The following IGF2R variants were observed in gnomAD, a reference collection of about 807,000 sequenced individuals.
IGF2R encodes the protein cation-independent mannose-6-phosphate receptor.
IGF2R carries 91 observed loss-of-function variants against 270.6 expected under a neutral mutation model. The observed-to-expected ratio is 0.34, with a 90% CI of 0.28 to 0.40. The LOEUF is 0.40. IGF2R is among the 10% of genes least tolerant of loss of function. IGF2R has a pLI of 1.00. For synonymous variants in IGF2R, 1,316 were observed against 1,258.9 expected, an observed-to-expected ratio of 1.05 and a Z score of -0.96; for missense variants, 2,805 against 3,188.3, an observed-to-expected ratio of 0.88 and a Z score of 2.90.
At position 160,080,202 on chromosome 6, in the gene IGF2R, G is replaced by A. The variant is rs897464178; in HGVS notation, c.5760G>A (p.Glu1920=). ...AGAGCTACGAGGAGTGCATCATAGA[G>A]AGCAGGGCGAAGCTGTGGTGTAGCA... ...NGKSYEECII[E]SRAKLWCSTT... The change falls in exon 39 of 48, where the codon GAG becomes GAA. Residue 1920 remains glutamate, a synonymous_variant. Coordinates refer to ENST00000356956, the MANE Select transcript of IGF2R (RefSeq NM_000876.4). The A allele has an allele frequency of 8.7e-6, 14 of 1,614,206 alleles. No homozygotes were observed. Among genetic ancestry groups the A allele is most frequent in the Non-Finnish European group, 1.2e-5 (14 of 1,180,024 alleles).
At chr6:160,002,532 CTTG>C (rs541375705) in intron 2 of IGF2R, among the ~76,000 whole-genome samples, 56 of 152,268 alleles carry the variant, frequency 3.7e-4, no homozygotes, top group Non-Finnish European at 7.2e-4. Flanking sequence ...AGGGACTGGT[CTTG>C]TTGTTCTGGG....
At chr6:159,972,371 G>A (rs772856899) in intron 1 of IGF2R, among the ~76,000 whole-genome samples, 1 of 152,216 alleles carries the variant, frequency 6.6e-6, no homozygotes, top group African/African-American at 2.4e-5. Context: ...TACGTGGAAT[G>A]TGTTTTTCCA....
Position 160,088,167 on chromosome 6 carries a change from A to T in IGF2R, c.6320+20A>T. ...CAAGAGGTCAGGAGACTGGGGGCTC[A>T]GAGCGGGACTGTGCAGTGAGCATAC... On this transcript the variant is annotated intron_variant, in intron 42 of 47. Coordinates refer to ENST00000356956, the MANE Select transcript of IGF2R (RefSeq NM_000876.4). The T allele has an allele frequency of 7.0e-7, 1 of 1,427,136 alleles. No individual in the cohort carries two copies. The highest frequency in any genetic ancestry group is 9.9e-7 in the Non-Finnish European group (1 of 1,009,750). The allele number at this position is 1,427,136 out of a possible 1,614,324, so 88.4% of individuals were successfully genotyped here.
chr6:159,971,793 G>T (rs1226419485), intron 1 of IGF2R, among the ~76,000 whole-genome samples: 1 of 152,170 alleles, frequency 6.6e-6, no homozygotes, highest in African/African-American at 2.4e-5. Context: ...GATTACAGGT[G>T]TGTGCCACCC....
chr6:159,986,860 G>A (rs1783896182), intron 1 of IGF2R, among the ~76,000 whole-genome samples: 1 of 151,626 alleles, frequency 6.6e-6, no homozygotes, highest in African/African-American at 2.4e-5. Flanking sequence ...TTGCTTGGCT[G>A]TTAAATGAAC....
At position 160,045,823 on chromosome 6, in the gene IGF2R, C is replaced by T. The variant is rs1392718372; in HGVS notation, c.1844C>T (p.Ala615Val). 1.3e-5 allele frequency: 21 copies of T among 1,612,240 alleles called. No individual in the cohort carries two copies. The highest frequency in any genetic ancestry group is 2.2e-5 in the East Asian group (1 of 44,844). The change falls in exon 14 of 48, where the codon GCG becomes GTG. Residue 615 changes from alanine (A) to valine (V), a missense_variant. Transcript: ENST00000356956. ...TATGAGTTTGAGTGGCACACAGCTG[C>T]GGCCTGTGTGCTGTCTAAGACAGAA... is the stretch of plus-strand genomic sequence containing the variant. ...CFYEFEWHTA[A>V]ACVLSKTEGE...
At chr6:160,023,704 C>T (rs961308353) in intron 4 of IGF2R, among the ~76,000 whole-genome samples, 3 of 152,198 alleles carry the variant, frequency 2.0e-5, no homozygotes, top group South Asian at 2.1e-4. Flanking sequence ...TGCTTATAAA[C>T]GTAGCTTCTG....
At chr6:160,014,735 A>T (rs1777246830) in intron 4 of IGF2R, among the ~76,000 whole-genome samples, 1 of 152,186 alleles carries the variant, frequency 6.6e-6, no homozygotes, top group East Asian at 1.9e-4. Context: ...ATGTTTTCAT[A>T]TGATCTTGCT....
chr6:160,072,088 C>T (rs1488180711), intron 32 of IGF2R, 52 bp downstream of exon 32: 3 of 1,609,030 alleles, frequency 1.9e-6, no homozygotes, highest in Non-Finnish European at 8.5e-7. Context: ...GACGGTGCCC[C>T]CACCAAACCC....
At chr6:159,977,144 G>T (rs1178618841) in intron 1 of IGF2R, among the ~76,000 whole-genome samples, 3 of 152,180 alleles carry the variant, frequency 2.0e-5, no homozygotes, top group Non-Finnish European at 4.4e-5. Flanking sequence ...CTGCGTGGAC[G>T]CTGTAGCTTC....
chr6:160,106,320 A>G lies in IGF2R; in HGVS notation c.*1236A>G, dbSNP rs1271929019. 6.6e-6 allele frequency: 1 copy of G among 152,634 alleles called. No individual in the cohort carries two copies. The highest frequency in any genetic ancestry group is 1.5e-5 in the Non-Finnish European group (1 of 68,034). The allele number at this position is 152,634 out of a possible 1,614,324, so 9.5% of individuals were successfully genotyped here. A position where few individuals can be genotyped will look rare whatever the true frequency, so the allele number is the denominator to read the frequency against. ...TTCTGGCGGCAGCGCCTTTCCTGCCATGTTTAGTGAATGACTTTTCTCGCA... is the reference window on the plus strand; with the variant it reads ...TTCTGGCGGCAGCGCCTTTCCTGCCGTGTTTAGTGAATGACTTTTCTCGCA... On this transcript the variant is annotated 3_prime_UTR_variant, in exon 48 of 48. Transcript: ENST00000356956.
chr6:160,007,089 T>C (rs1784252842), intron 2 of IGF2R: 1 of 152,216 alleles, frequency 6.6e-6, no homozygotes, highest in Admixed American at 6.5e-5. Context: ...TGCTGTGATA[T>C]TTTGTGTGGA....
chr6:159,972,219 T>C (rs1783619418), intron 1 of IGF2R, among the ~76,000 whole-genome samples: 1 of 152,136 alleles, frequency 6.6e-6, no homozygotes, highest in African/African-American at 2.4e-5. Flanking sequence ...GAAATGTAAA[T>C]AACTCGGCCA....
At chr6:160,035,632 G>T (rs561566515) in intron 10 of IGF2R, among the ~76,000 whole-genome samples, 3 of 152,276 alleles carry the variant, frequency 2.0e-5, no homozygotes, top group African/African-American at 7.2e-5. Flanking sequence ...TCTCTACATG[G>T]CCCCTTTTGT....
intron 29 of IGF2R, among the ~76,000 whole-genome samples, chr6:160,065,814 G>GTGTGTATGTATATATA: frequency 2.6e-5 from 2 of 78,392 alleles, no homozygotes; most frequent in African/African-American, 5.6e-5. Context: ...GTGTGTGTGT[G>GTGTGTATGTATATATA]TATATATATA....
intron 1 of IGF2R, among the ~76,000 whole-genome samples, chr6:159,979,589 T>C (rs73590539): frequency 0.049 from 7,462 of 152,196 alleles, 595 homozygotes; most frequent in African/African-American, 0.17. Context: ...GGTTGGGCCC[T>C]GAGGATGGGG....
intron 10 of IGF2R, among the ~76,000 whole-genome samples, chr6:160,036,446 A>G (rs1292631145): frequency 6.6e-6 from 1 of 151,930 alleles, no homozygotes; most frequent in African/African-American, 2.4e-5. Context: ...GGTCACCCCA[A>G]CTGGCTCTCC....
rs776551470 is a variant in IGF2R, at chr6:160,080,293, G to C, written c.5833+18G>C. ...CAGACACTGTGAGTAGGACGGCTCC[G>C]CGTCCCCACATGGCCTGGGGCCTTG... On this transcript the variant is annotated intron_variant, in intron 39 of 47. Transcript: ENST00000356956. 6.2e-7 allele frequency: 1 copy of C among 1,609,908 alleles called. No homozygotes were observed. The highest frequency in any genetic ancestry group is 1.3e-5 in the African/African-American group (1 of 75,002).
rs1779516004 is a variant in IGF2R, at chr6:160,102,719, A to G, written c.6995+48A>G. 1.3e-6 allele frequency: 2 copies of G among 1,533,968 alleles called. No individual in the cohort carries two copies. Among genetic ancestry groups the G allele is most frequent in the Admixed American group, 2.0e-5 (1 of 50,596 alleles). Reference sequence around the variant, plus strand: ...TGGGGCGGGTGGATGCATGCCTCCCATAGCTAATCTTGGGGTCAGTTTTGT... The same window carrying G: ...TGGGGCGGGTGGATGCATGCCTCCCGTAGCTAATCTTGGGGTCAGTTTTGT... On this transcript the variant is annotated intron_variant, in intron 46 of 47. Transcript: ENST00000356956. This position sits in a 1 kb window ranked among gnomAD's most constrained non-coding sequence, Gnocchi z 4.5.
Sources: gnomAD v4.1 joint callset for allele counts (sites outside exome capture counted in the v4.1 genomes callset) on GRCh38, gnomAD v4.1.1 for gene constraint, Gnocchi (gnomAD v3.1) non-coding constraint, MANE v1.5 for transcripts, NCBI Gene and HGNC (gene_info 2026-07-23, HGNC 2026-07-21) for gene names.